The following TRIM37 variants were observed in gnomAD, a reference collection of about 807,000 sequenced individuals.
The protein encoded by TRIM37 is tripartite motif containing 37.
A neutral mutation model predicts 129.8 loss-of-function variants in TRIM37; 80 were observed. That is an observed-to-expected ratio of 0.62 (90% CI 0.51 to 0.74). The LOEUF is 0.74. Among genes scored for constraint, TRIM37 ranks in the 30% least tolerant of loss-of-function variants. TRIM37 has a pLI of 0.00. For missense variants in TRIM37, 1,054 were observed against 1,176.5 expected (o/e 0.90, Z 1.52); for synonymous variants, 389 against 387.1 (o/e 1.00, Z -0.06).
rs1044750832 is a variant in TRIM37 at position 59,047,958 on chromosome 17, T to G, written c.1531-139A>C. 85 of 967,586 alleles carry G rather than the reference T, an allele frequency of 8.8e-5. 1 individual carries two copies. The South Asian group carries it at 1.2e-3, about 13-fold the overall frequency. 59.9% of individuals were successfully genotyped at this position (967,586 alleles called of 1,614,324 possible). The stretch of plus-strand genomic sequence containing the variant: ...TTTTCTGCTCCTGTGCCTCAGCTGC[T>G]GAGCCCTGTAGAGAAAAATCACACA... On this transcript the variant is annotated intron_variant, in intron 15 of 23. Transcript: ENST00000262294.
chr17:59,088,696 T>C (rs1164743025), intron 3 of TRIM37, among the ~76,000 whole-genome samples: 1 of 151,956 alleles, frequency 6.6e-6, no homozygotes, highest in Admixed American at 6.6e-5. Context: ...TTAAAATTTT[T>C]TGTAGAGACG....
At chr17:59,042,443 AAAAAAAATATATATATAT>A (rs2039320861) in intron 16 of TRIM37, among the ~76,000 whole-genome samples, 2 of 50,198 alleles carry the variant, frequency 4.0e-5, no homozygotes, top group Non-Finnish European at 7.5e-5. Flanking sequence ...AAAAAAAAAA[AAAAAAAATATATATATAT>A]ATATATATAT....
chr17:59,049,342 G>T lies in TRIM37; in HGVS notation c.1366C>A (p.Pro456Thr). The T allele has an allele frequency of 1.2e-6, 2 of 1,614,082 alleles. No homozygotes were observed. The highest frequency in any genetic ancestry group is 1.7e-6 in the Non-Finnish European group (2 of 1,180,024). Reference protein sequence around the residue: ...RTQKSRDLSPPDNHLSPQNDD... With the variant: ...RTQKSRDLSPTDNHLSPQNDD... The stretch of plus-strand genomic sequence containing the variant: ...TTTTGGGGGCTAAGATGGTTATCTG[G>T]TGGTGACAAATCTCTTGACTTCTGA... The change falls in exon 15 of 24, where the codon CCA becomes ACA. Residue 456 changes from proline (P) to threonine (T), a missense_variant. By Grantham distance (38) the Pro-to-Thr change is conservative. Coordinates refer to ENST00000262294, the MANE Select transcript of TRIM37 (RefSeq NM_015294.6).
intron 4 of TRIM37, among the ~76,000 whole-genome samples, chr17:59,087,294 C>T (rs2043845686): frequency 6.6e-6 from 1 of 151,942 alleles, no homozygotes; most frequent in African/African-American, 2.4e-5. Flanking sequence ...CAGGGTTCTC[C>T]ATGTTGGCCA....
intron 2 of TRIM37, among the ~76,000 whole-genome samples, chr17:59,092,312 T>C (rs1027605018): frequency 6.6e-6 from 1 of 151,608 alleles, no homozygotes; most frequent in Non-Finnish European, 1.5e-5. Context: ...GGCAGGAGAA[T>C]TGCTTGAACC....
intron 23 of TRIM37, 151 bp downstream of exon 23, chr17:59,001,447 C>T: frequency 1.1e-6 from 1 of 887,668 alleles, no homozygotes. Flanking sequence ...TCACAAATGA[C>T]AATAATTAAA....
At chr17:59,095,645 A>C (rs900763983) in intron 2 of TRIM37, among the ~76,000 whole-genome samples, 1 of 152,222 alleles carries the variant, frequency 6.6e-6, no homozygotes, top group Non-Finnish European at 1.5e-5. Context: ...GAAAGCATAC[A>C]AAATTTCTTA....
intron 21 of TRIM37, among the ~76,000 whole-genome samples, chr17:59,013,172 C>T (rs564891726): frequency 6.6e-4 from 101 of 152,166 alleles, no homozygotes; most frequent in Non-Finnish European, 9.3e-4. Flanking sequence ...GAGATAGAGT[C>T]TCACTCTGTC....
chr17:59,037,557 C>CAA (rs58856834), intron 17 of TRIM37, among the ~76,000 whole-genome samples: 831 of 73,864 alleles, frequency 0.011, 28 homozygotes, highest in East Asian at 0.019. Flanking sequence ...GACTCTGTCT[C>CAA]AAAAAAAAAA....
chr17:59,048,603 T>G (rs981228490), intron 15 of TRIM37, among the ~76,000 whole-genome samples: 5 of 152,186 alleles, frequency 3.3e-5, no homozygotes. Context: ...CCTTTTTTTT[T>G]TCTTTTTCTT....
intron 17 of TRIM37, among the ~76,000 whole-genome samples, chr17:59,038,462 C>G (rs979018253): frequency 6.6e-6 from 1 of 152,070 alleles, no homozygotes; most frequent in Non-Finnish European, 1.5e-5. Flanking sequence ...ATCTAGAATA[C>G]AGTGCCTGGA....
chr17:59,042,501 G>A (rs2145928935), intron 16 of TRIM37, among the ~76,000 whole-genome samples: 1 of 136,620 alleles, frequency 7.3e-6, no homozygotes, highest in South Asian at 2.3e-4. Context: ...AGTGACTCAC[G>A]CCTGAAATCC....
intron 22 of TRIM37, among the ~76,000 whole-genome samples, chr17:59,009,882 T>A (rs920500184): frequency 6.6e-6 from 1 of 152,218 alleles, no homozygotes; most frequent in Non-Finnish European, 1.5e-5. Context: ...AGAATACTGG[T>A]AAAGTCTTTA....
chr17:59,007,378 C>T (rs1409094222), intron 22 of TRIM37, among the ~76,000 whole-genome samples: 2 of 151,904 alleles, frequency 1.3e-5, no homozygotes, highest in East Asian at 3.9e-4. Flanking sequence ...GTTAATTTTT[C>T]GATGAATTTT....
At chr17:59,022,341 G>C (rs1676167225) in intron 19 of TRIM37, among the ~76,000 whole-genome samples, 1 of 152,148 alleles carries the variant, frequency 6.6e-6, no homozygotes, top group Non-Finnish European at 1.5e-5. Context: ...TTTACTTTAT[G>C]ATAACAAAGT....
At chr17:59,014,629 C>T (rs2035680590) in intron 21 of TRIM37, among the ~76,000 whole-genome samples, 1 of 150,734 alleles carries the variant, frequency 6.6e-6, no homozygotes, top group African/African-American at 2.4e-5. Flanking sequence ...GCTGTAAGTG[C>T]TTTGTTTCAT....
intron 9 of TRIM37, among the ~76,000 whole-genome samples, chr17:59,069,277 G>A (rs191084769): frequency 6.6e-6 from 1 of 152,058 alleles, no homozygotes; most frequent in African/African-American, 2.4e-5. Flanking sequence ...AATCCGGGAG[G>A]TGGAGGTTGC....
chr17:58,971,131 C>CA, the TRIM37 span, among the ~76,000 whole-genome samples: 1 of 152,092 alleles, frequency 6.6e-6, no homozygotes, highest in East Asian at 1.9e-4. Context: ...GGGAAGAAAA[C>CA]AGCTATTCCT....
intron 2 of TRIM37, among the ~76,000 whole-genome samples, chr17:59,092,934 C>T (rs1203027853): frequency 6.6e-6 from 1 of 151,962 alleles, no homozygotes; most frequent in Non-Finnish European, 1.5e-5. Flanking sequence ...GGGTGGATCA[C>T]GAGGTCAGGA....
Sources: gnomAD v4.1 joint callset for allele counts (sites outside exome capture counted in the v4.1 genomes callset) on GRCh38, gnomAD v4.1.1 for gene constraint, MANE v1.5 for transcripts, NCBI Gene and HGNC (gene_info 2026-07-23, HGNC 2026-07-21) for gene names.